VRK2: variants seen among roughly 807,000 people sequenced by gnomAD.
VRK2 encodes the protein serine/threonine-protein kinase VRK2.
VRK2 carries 60 observed loss-of-function variants against 57.6 expected under a neutral mutation model. The observed-to-expected ratio is 1.04, with a 90% CI of 0.85 to 1.29. The LOEUF is 1.29. Among genes scored for constraint, VRK2 ranks in the 50% most tolerant of loss-of-function variants. The probability of loss-of-function intolerance (pLI) is 0.00; values close to 1 mark genes in which losing one functional copy is unlikely to be tolerated. For missense variants in VRK2, 705 were observed against 588.1 expected (o/e 1.20, Z -2.06); for synonymous variants, 231 against 199.2 (o/e 1.16, Z -1.35).
chr2:58,116,518 T>C lies in VRK2; in HGVS notation c.544-6583T>C, dbSNP rs554101366. On this transcript the variant is annotated intron_variant, in intron 7 of 12. Coordinates refer to ENST00000340157, the MANE Select transcript of VRK2 (RefSeq NM_006296.7). ...GCCTGGCTGTCAATACCCACAACAG[T>C]TATGGAGGCAAGGGAAACAGGCCCT... Among the ~76,000 whole-genome samples, 730 of 151,818 alleles carry C rather than the reference T, an allele frequency of 4.8e-3. 3 individuals are homozygous for C. Among genetic ancestry groups the C allele is most frequent in the Non-Finnish European group, 7.4e-3 (504 of 67,932 alleles).
At chr2:58,124,092 T>C (rs1677942761) in intron 8 of VRK2, among the ~76,000 whole-genome samples, 1 of 152,320 alleles carries the variant, frequency 6.6e-6, no homozygotes, top group Non-Finnish European at 1.5e-5. Context: ...TTATTGGATA[T>C]TGATTGTACT....
chr2:58,044,633 A>G (rs1674602432), upstream of VRK2, among the ~76,000 whole-genome samples: 1 of 152,104 alleles, frequency 6.6e-6, no homozygotes, highest in East Asian at 1.9e-4. Flanking sequence ...AATTTCAGAT[A>G]GGATGTTTAG....
chr2:57,987,378 A>G (rs1306185681), intron 1 of VRK2, among the ~76,000 whole-genome samples: 1 of 152,234 alleles, frequency 6.6e-6, no homozygotes, highest in Non-Finnish European at 1.5e-5. Flanking sequence ...GAAAATATAC[A>G]TATGGCAAAT....
At chr2:58,037,946 A>G (rs1007933127) in intron 3 of VRK2, among the ~76,000 whole-genome samples, 4 of 152,128 alleles carry the variant, frequency 2.6e-5, no homozygotes, top group African/African-American at 7.2e-5. Context: ...AGACTGAAAA[A>G]CAGGCAGTGT....
intron 10 of VRK2, among the ~76,000 whole-genome samples, chr2:58,136,105 A>G (rs1679970921): frequency 6.6e-6 from 1 of 152,196 alleles, no homozygotes; most frequent in Non-Finnish European, 1.5e-5. Context: ...TTAAACTTAC[A>G]TTCACAGCCT....
chr2:58,084,063 C>G, intron 2 of VRK2, 26 bp from the exon 3 acceptor site: 1 of 1,601,194 alleles, frequency 6.2e-7, no homozygotes, highest in Non-Finnish European at 8.5e-7. Flanking sequence ...CTATTTTTCT[C>G]CATTGTGTGT....
intron 1 of VRK2, among the ~76,000 whole-genome samples, chr2:57,945,260 T>C (rs77902252): frequency 0.033 from 4,993 of 152,228 alleles, 143 homozygotes; most frequent in South Asian, 0.11. Flanking sequence ...ATTATATTTA[T>C]AATAATAATA....
At chr2:58,049,102 G>C in intron 2 of VRK2, 135 bp downstream of exon 2, 1 of 1,115,988 alleles carries the variant, frequency 9.0e-7, no homozygotes, top group South Asian at 1.9e-5. Flanking sequence ...ACTCGATTAA[G>C]TAATAATAGA....
chr2:58,113,831 A>G (rs1238884188), intron 7 of VRK2, among the ~76,000 whole-genome samples: 1 of 152,200 alleles, frequency 6.6e-6, no homozygotes, highest in Non-Finnish European at 1.5e-5. Context: ...AGGGGATGCG[A>G]CGGCTTGGCT....
intron 7 of VRK2, among the ~76,000 whole-genome samples, chr2:58,107,403 C>G (rs1488858539): frequency 6.6e-6 from 1 of 152,020 alleles, no homozygotes; most frequent in Non-Finnish European, 1.5e-5. Flanking sequence ...GGTCTTCTCT[C>G]TTTACGCATG....
At chr2:57,991,841 C>T (rs1672777894) in intron 1 of VRK2, among the ~76,000 whole-genome samples, 1 of 151,132 alleles carries the variant, frequency 6.6e-6, no homozygotes, top group South Asian at 2.1e-4. Context: ...TCCTGTAGTG[C>T]CAGCTACTCA....
intron 1 of VRK2, among the ~76,000 whole-genome samples, chr2:58,002,423 C>G (rs1673117630): frequency 6.6e-6 from 1 of 151,818 alleles, no homozygotes; most frequent in Non-Finnish European, 1.5e-5. Flanking sequence ...TGCAGTGAGC[C>G]AAGACCATGC....
chr2:58,159,014 A>AGAT (rs1428414389), intron 12 of VRK2, among the ~76,000 whole-genome samples: 18 of 152,204 alleles, frequency 1.2e-4, no homozygotes, highest in Admixed American at 1.0e-3. Context: ...TACCCCCTTA[A>AGAT]GATTAAGCCC....
At chr2:58,026,285 T>C (rs1330321504) in intron 2 of VRK2, among the ~76,000 whole-genome samples, 3 of 151,692 alleles carry the variant, frequency 2.0e-5, no homozygotes, top group Admixed American at 2.0e-4. Context: ...TGTGTGTGTG[T>C]GCGCGCGCAC....
chr2:58,073,560 C>T (rs1669640091), intron 2 of VRK2, among the ~76,000 whole-genome samples: 1 of 150,568 alleles, frequency 6.6e-6, no homozygotes, highest in Non-Finnish European at 1.5e-5. Context: ...ATTTAATATC[C>T]CTCTTTATTC....
At chr2:58,153,722 C>CT (rs1219621532) in intron 12 of VRK2, among the ~76,000 whole-genome samples, 1 of 151,858 alleles carries the variant, frequency 6.6e-6, no homozygotes, top group Non-Finnish European at 1.5e-5. Flanking sequence ...TAATGGTGAC[C>CT]TTATGAGTTG....
chr2:58,159,076 T>TTAAG lies in VRK2; in HGVS notation c.1183-272_1183-271insAAGT, dbSNP rs1247045208. Among the ~76,000 whole-genome samples the TTAAG allele has an allele frequency of 2.6e-5, 4 of 152,256 alleles. No homozygotes were observed. In the South Asian group the frequency reaches 8.3e-4, roughly 32 times the overall value. On this transcript the variant is annotated intron_variant, in intron 12 of 12. Transcript: ENST00000340157. ...CAGTTTTCATATTCTATCCTATTTA[T>TTAAG]TTTTAGATTATAAATTACTTAAGAG...
At position 58,137,000 on chromosome 2, in the gene VRK2, CAT is replaced by C. The variant is rs1402304391; in HGVS notation, c.856+1808_856+1809del. Among the ~76,000 whole-genome samples the C allele has an allele frequency of 6.3e-4, 78 of 124,186 alleles. 2 individuals are homozygous for C. Among genetic ancestry groups the C allele is most frequent in the Admixed American group, 6.2e-4 (7 of 11,364 alleles). The allele number at this position is 124,186 out of a possible 152,430, so 81.5% of individuals were successfully genotyped here. A position where few individuals can be genotyped will look rare whatever the true frequency, so the allele number is the denominator to read the frequency against. ...ATATATCATATATATGTGTATATAT[CAT>C]ATATATTATATATATCTCATATGTG... On this transcript the variant is annotated intron_variant, in intron 10 of 12. Coordinates refer to ENST00000340157, the MANE Select transcript of VRK2 (RefSeq NM_006296.7).
intron 12 of VRK2, among the ~76,000 whole-genome samples, chr2:58,157,276 G>A (rs1195234858): frequency 6.6e-6 from 1 of 152,088 alleles, no homozygotes; most frequent in Non-Finnish European, 1.5e-5. Context: ...CTTCCCAGTC[G>A]ATTCTGATGT....
Sources: allele counts gnomAD v4.1 joint callset (sites outside exome capture counted in the v4.1 genomes callset), GRCh38; gene constraint gnomAD v4.1.1; transcripts MANE v1.5; gene names NCBI Gene and HGNC (gene_info 2026-07-23, HGNC 2026-07-21).